Variants in MTHFD1L observed in about 807,000 individuals in gnomAD.
MTHFD1L encodes the protein methylenetetrahydrofolate dehydrogenase (NADP+ dependent) 1 like, also known as monofunctional C1-tetrahydrofolate synthase, mitochondrial.
MTHFD1L carries 81 observed loss-of-function variants against 119.5 expected under a neutral mutation model. The ratio of observed to expected loss-of-function variants is 0.68; its 90% CI spans 0.57 to 0.82. MTHFD1L has a LOEUF of 0.82. Among genes scored for constraint, MTHFD1L ranks in the 40% least tolerant of loss-of-function variants. The probability of loss-of-function intolerance (pLI) is 0.00; values close to 1 mark genes in which losing one functional copy is unlikely to be tolerated. For missense variants in MTHFD1L, 1,125 were observed against 1,253.4 expected, an observed-to-expected ratio of 0.90 and a Z score of 1.55; for synonymous variants, 430 against 475.2, an observed-to-expected ratio of 0.90 and a Z score of 1.24.
Position 150,996,003 on chromosome 6 carries a change from T to C in MTHFD1L, c.2126-13816T>C, listed in dbSNP as rs115415022. On this transcript the variant is annotated intron_variant, in intron 20 of 27. Coordinates refer to ENST00000367321, the MANE Select transcript of MTHFD1L (RefSeq NM_015440.5). ...ATATTAATTTGATAAACAGAAGTTATTTTGGAAATAAGCCAAAACAACAAA... is the reference window on the plus strand; with the variant it reads ...ATATTAATTTGATAAACAGAAGTTACTTTGGAAATAAGCCAAAACAACAAA... Among the ~76,000 whole-genome samples, 169 of 152,306 alleles carry C rather than the reference T, an allele frequency of 1.1e-3. 2 individuals are homozygous for C. Among genetic ancestry groups the C allele is most frequent in the African/African-American group, 3.6e-3 (149 of 41,574 alleles).
intron 13 of MTHFD1L, among the ~76,000 whole-genome samples, chr6:150,942,607 G>T (rs1793311577): frequency 6.6e-6 from 1 of 152,034 alleles, no homozygotes; most frequent in African/African-American, 2.4e-5. Flanking sequence ...AGGACATCAG[G>T]TTAACTGTAT....
intron 8 of MTHFD1L, among the ~76,000 whole-genome samples, chr6:150,916,481 T>G (rs1583537765): frequency 2.0e-5 from 1 of 50,084 alleles, no homozygotes; most frequent in Admixed American, 2.4e-4. Flanking sequence ...TTTTTTTTTT[T>G]TTTTTTTTTT....
At chr6:150,866,648 C>T in intron 1 of MTHFD1L, 1 of 1,200,288 alleles carries the variant, frequency 8.3e-7, no homozygotes. Flanking sequence ...GGAGCCGGGC[C>T]CCCGGGACAG....
intron 9 of MTHFD1L, among the ~76,000 whole-genome samples, chr6:150,918,979 A>C (rs1788446042): frequency 6.6e-6 from 1 of 152,008 alleles, no homozygotes; most frequent in South Asian, 2.1e-4. Flanking sequence ...TTCAAGTCAG[A>C]GATTTGGTAG....
intron 13 of MTHFD1L, chr6:150,939,157 G>T: frequency 5.0e-6 from 1 of 198,960 alleles, no homozygotes; most frequent in Non-Finnish European, 1.1e-5. Context: ...TGCCTCCCTT[G>T]ATCATCTGCT....
chr6:150,942,233 C>A (rs1793251112), intron 13 of MTHFD1L, among the ~76,000 whole-genome samples: 1 of 152,108 alleles, frequency 6.6e-6, no homozygotes, highest in South Asian at 2.1e-4. Context: ...CACTCCAGCC[C>A]AGGCAACAAG....
intron 8 of MTHFD1L, among the ~76,000 whole-genome samples, chr6:150,909,922 T>G (rs1786569433): frequency 6.6e-6 from 1 of 152,214 alleles, no homozygotes; most frequent in Non-Finnish European, 1.5e-5. Context: ...GGCTCATGCC[T>G]GTAATCCCAG....
At chr6:151,050,476 T>A (rs1362444407) in intron 26 of MTHFD1L, among the ~76,000 whole-genome samples, 1 of 152,234 alleles carries the variant, frequency 6.6e-6, no homozygotes, top group Non-Finnish European at 1.5e-5. Context: ...GTATCCTTTA[T>A]AATAAACTGG....
chr6:150,976,023 C>T (rs564187738), intron 20 of MTHFD1L, among the ~76,000 whole-genome samples: 55 of 152,280 alleles, frequency 3.6e-4, no homozygotes, highest in African/African-American at 1.3e-3. Flanking sequence ...CATGGTGAAA[C>T]CCCGTCTCTA....
intron 19 of MTHFD1L, among the ~76,000 whole-genome samples, chr6:150,968,754 G>C (rs934560054): frequency 6.7e-6 from 1 of 150,206 alleles, no homozygotes; most frequent in Non-Finnish European, 1.5e-5. Flanking sequence ...GACCTCAGGT[G>C]ATCTGCCCGC....
chr6:150,866,489 A>G (rs2128706537), intron 1 of MTHFD1L: 1 of 1,316,030 alleles, frequency 7.6e-7, no homozygotes, highest in Non-Finnish European at 9.7e-7. Flanking sequence ...GGGGTTCGGG[A>G]AGGGCAAGCG....
intron 26 of MTHFD1L, among the ~76,000 whole-genome samples, chr6:151,083,678 C>A (rs1200645559): frequency 3.9e-5 from 6 of 152,094 alleles, no homozygotes; most frequent in African/African-American, 1.4e-4. Flanking sequence ...TCTGACATAA[C>A]TATGATTGAT....
intron 21 of MTHFD1L, among the ~76,000 whole-genome samples, chr6:151,011,892 T>C (rs181657745): frequency 4.0e-5 from 6 of 151,636 alleles, no homozygotes; most frequent in Admixed American, 3.3e-4. Context: ...TTCCCACTAC[T>C]CAGGAGGCTG....
chr6:150,978,474 C>T (rs940709615), intron 20 of MTHFD1L, among the ~76,000 whole-genome samples: 1 of 152,186 alleles, frequency 6.6e-6, no homozygotes, highest in African/African-American at 2.4e-5. Flanking sequence ...GGTACATGAG[C>T]ATAAACACTC....
intron 21 of MTHFD1L, among the ~76,000 whole-genome samples, chr6:151,012,309 C>G (rs1782400874): frequency 6.6e-6 from 1 of 152,100 alleles, no homozygotes; most frequent in South Asian, 2.1e-4. Flanking sequence ...TAGTGCTCAT[C>G]TCGGTGTCCT....
At position 150,944,580 on chromosome 6, in the gene MTHFD1L, C is replaced by A; in HGVS notation, c.1535C>A (p.Thr512Lys). 1 of 1,613,128 alleles carries A rather than the reference C, an allele frequency of 6.2e-7. No homozygotes were observed. Among genetic ancestry groups the A allele is most frequent in the Admixed American group, 1.7e-5 (1 of 59,976 alleles). Residue 512 changes from threonine (T) to lysine (K), a missense_variant, in exon 14 of 28, where the codon ACG becomes AAG. This residue lies in a region of MTHFD1L where 1,058 missense variants were observed against 1,151.2 expected (regional missense o/e 0.92). Coordinates refer to ENST00000367321, the MANE Select transcript of MTHFD1L (RefSeq NM_015440.5). The part of the protein sequence containing the change: ...AIDTRILHEN[T>K]QTDKALYNRL... ...GACACGAGGATTCTTCATGAAAACA[C>A]GCAAACAGATAAGGTGAGAAGGATG...
chr6:150,903,123 T>G (rs967298861), intron 7 of MTHFD1L, among the ~76,000 whole-genome samples: 1 of 151,372 alleles, frequency 6.6e-6, no homozygotes, highest in Non-Finnish European at 1.5e-5. Flanking sequence ...TACTATTACC[T>G]GGAACTCTAG....
At chr6:150,910,349 C>T (rs1013120041) in intron 8 of MTHFD1L, among the ~76,000 whole-genome samples, 1 of 150,354 alleles carries the variant, frequency 6.7e-6, no homozygotes, top group African/African-American at 2.4e-5. Flanking sequence ...GGATCACCTG[C>T]GGTGGGGAGT....
chr6:151,034,035 G>T (rs150718811), intron 24 of MTHFD1L, among the ~76,000 whole-genome samples: 1,794 of 152,070 alleles, frequency 0.012, 30 homozygotes, highest in African/African-American at 0.04. Flanking sequence ...AAAAAAATTA[G>T]CTTGGAGTCA....
Sources: gnomAD v4.1 joint callset for allele counts (sites outside exome capture counted in the v4.1 genomes callset) on GRCh38, gnomAD v4.1.1 for gene constraint, gnomAD v4.1.1 regional missense constraint, MANE v1.5 for transcripts, NCBI Gene and HGNC (gene_info 2026-07-23, HGNC 2026-07-21) for gene names.